The following WSCD2 variants were observed in gnomAD, a reference collection of about 807,000 sequenced individuals.
The protein encoded by WSCD2 is WSC domain sialate O sulfotransferase 2, also known as sialate:O-sulfotransferase 2.
A neutral mutation model predicts 55.7 loss-of-function variants in WSCD2; 28 were observed. The observed-to-expected ratio is 0.50, with a 90% CI of 0.37 to 0.69. The LOEUF is 0.69. Among genes scored for constraint, WSCD2 ranks in the 30% least tolerant of loss-of-function variants. WSCD2 has a pLI of 0.00. For missense variants in WSCD2, 616 were observed against 762.1 expected (o/e 0.81, Z 2.26); for synonymous variants, 301 against 301.9 (o/e 1.00, Z 0.03).
intron 8 of WSCD2, among the ~76,000 whole-genome samples, chr12:108,247,595 A>G (rs945427109): frequency 5.3e-5 from 8 of 152,074 alleles, no homozygotes; most frequent in Non-Finnish European, 1.0e-4. Context: ...TTGCTCTGTC[A>G]CCCAGGCTGA....
intron 1 of WSCD2, among the ~76,000 whole-genome samples, chr12:108,185,918 C>G (rs2137015517): frequency 6.6e-6 from 1 of 152,322 alleles, no homozygotes; most frequent in South Asian, 2.1e-4. Context: ...TTAGAAGTCC[C>G]TTCAGAAGTC....
At chr12:108,151,057 G>A (rs1182619829) in intron 1 of WSCD2, among the ~76,000 whole-genome samples, 1 of 151,930 alleles carries the variant, frequency 6.6e-6, no homozygotes, top group Non-Finnish European at 1.5e-5. Context: ...GTCAGCACTC[G>A]AGCTTCCCTC....
chr12:108,149,428 T>G (rs1877731797), intron 1 of WSCD2, among the ~76,000 whole-genome samples: 1 of 152,152 alleles, frequency 6.6e-6, no homozygotes, highest in Non-Finnish European at 1.5e-5. Context: ...CACTCTCCCT[T>G]TTTGGAAATC....
intron 1 of WSCD2, among the ~76,000 whole-genome samples, chr12:108,178,762 C>T (rs1881246998): frequency 6.6e-6 from 1 of 152,168 alleles, no homozygotes; most frequent in East Asian, 1.9e-4. Flanking sequence ...AACTGGATTA[C>T]CCCTGTGAAG....
At chr12:108,227,716 T>A (rs1163211903) in intron 6 of WSCD2, among the ~76,000 whole-genome samples, 1 of 136,470 alleles carries the variant, frequency 7.3e-6, no homozygotes, top group East Asian at 2.3e-4. Context: ...CCAGACATGA[T>A]GATAATGATG....
intron 1 of WSCD2, among the ~76,000 whole-genome samples, chr12:108,190,016 T>C (rs1882960257): frequency 6.6e-6 from 1 of 151,902 alleles, no homozygotes; most frequent in Admixed American, 6.5e-5. Context: ...CATATAGATA[T>C]GATATATTTG....
chr12:108,204,153 C>T (rs1395319041), intron 2 of WSCD2, among the ~76,000 whole-genome samples: 1 of 151,998 alleles, frequency 6.6e-6, no homozygotes, highest in Admixed American at 6.6e-5. Context: ...GAGACATGGC[C>T]CACAGTAAAG....
chr12:108,207,056 C>T (rs187181224), intron 3 of WSCD2, among the ~76,000 whole-genome samples: 9 of 152,162 alleles, frequency 5.9e-5, no homozygotes, highest in East Asian at 3.9e-4. Context: ...AAGAAGACAA[C>T]GATGATTTTT....
At chr12:108,132,192 T>C (rs537683048) in intron 1 of WSCD2, among the ~76,000 whole-genome samples, 28 of 152,116 alleles carry the variant, frequency 1.8e-4, no homozygotes, top group Non-Finnish European at 3.7e-4. Flanking sequence ...GCTGAAACCA[T>C]CAGTGGGGAA....
rs780830224 is a variant in WSCD2 at position 108,224,757 on chromosome 12, G to A, written c.701G>A (p.Arg234Gln). ...SARRYGSAVF[R>Q]GCFRRPDNLS... ...TCTTCAGATGGAAGTGCAGTGTTCC[G>A]GGGCTGCTTCCGCAGGCCCGACAAC... Residue 234 changes from arginine to glutamine, a missense_variant, in exon 5 of 9, where the codon CGG (arginine) becomes CAG (glutamine). Around this residue, in one of 3 missense-constraint regions of WSCD2, gnomAD observed 374 missense variants for 467.4 expected, o/e 0.80. Transcript: ENST00000547525. The A allele has an allele frequency of 1.4e-5, 22 of 1,612,752 alleles. No individual in the cohort carries two copies. The highest frequency in any genetic ancestry group is 5.0e-5 in the Admixed American group (3 of 60,000).
At chr12:108,178,546 T>A (rs906186581) in intron 1 of WSCD2, among the ~76,000 whole-genome samples, 2 of 152,216 alleles carry the variant, frequency 1.3e-5, no homozygotes, top group African/African-American at 4.8e-5. Flanking sequence ...AAACTATGGC[T>A]GAATCATTCG....
chr12:108,205,347 T>C (rs992159607), intron 2 of WSCD2, among the ~76,000 whole-genome samples: 1 of 152,192 alleles, frequency 6.6e-6, no homozygotes, highest in Non-Finnish European at 1.5e-5. Context: ...GCTGTAAGGA[T>C]GCAAGGAGAC....
chr12:108,240,315 T>C (rs748189059), intron 7 of WSCD2, 29 bp from the exon 8 acceptor site: 6 of 1,612,872 alleles, frequency 3.7e-6, no homozygotes, highest in Non-Finnish European at 5.1e-6. Context: ...AGCTCACCAG[T>C]CCTGTTCCTC....
chr12:108,233,048 C>G, intron 7 of WSCD2, 153 bp downstream of exon 7: 1 of 965,848 alleles, frequency 1.0e-6, no homozygotes, highest in Non-Finnish European at 1.5e-6. Context: ...ATGCTTGGTA[C>G]CCCCCCACCT....
At chr12:108,158,353 T>C (rs977902179) in intron 1 of WSCD2, among the ~76,000 whole-genome samples, 1 of 151,812 alleles carries the variant, frequency 6.6e-6, no homozygotes, top group Non-Finnish European at 1.5e-5. Context: ...CCCTTTAACT[T>C]GGCTACAAGG....
chr12:108,173,810 CTG>C (rs113409001), intron 1 of WSCD2, among the ~76,000 whole-genome samples: 6,734 of 130,954 alleles, frequency 0.051, 228 homozygotes, highest in African/African-American at 0.11. Context: ...TCCTGGCTCT[CTG>C]TGTGTGTGTG....
chr12:108,173,810 C>CTCTCTCTGTGTGTGTGTGTG (rs376999073), intron 1 of WSCD2, among the ~76,000 whole-genome samples: 16 of 131,232 alleles, frequency 1.2e-4, no homozygotes, highest in African/African-American at 4.9e-4. Flanking sequence ...TCCTGGCTCT[C>CTCTCTCTGTGTGTGTGTGTG]TGTGTGTGTG....
chr12:108,149,012 G>A (rs1877688817), intron 1 of WSCD2, among the ~76,000 whole-genome samples: 1 of 152,178 alleles, frequency 6.6e-6, no homozygotes. Flanking sequence ...TCACCCCAAT[G>A]TCCCTTTCCT....
intron 1 of WSCD2, among the ~76,000 whole-genome samples, chr12:108,161,816 G>C (rs566530850): frequency 1.3e-5 from 2 of 152,194 alleles, no homozygotes; most frequent in Non-Finnish European, 2.9e-5. Flanking sequence ...TCAGAACCCA[G>C]AACACAGCTG....
Sources: gnomAD v4.1 joint callset for allele counts (sites outside exome capture counted in the v4.1 genomes callset) on GRCh38, gnomAD v4.1.1 for gene constraint, gnomAD v4.1.1 regional missense constraint, MANE v1.5 for transcripts, NCBI Gene and HGNC (gene_info 2026-07-23, HGNC 2026-07-21) for gene names.